Variants in LRGUK observed in about 807,000 individuals in gnomAD.
The protein encoded by LRGUK is leucine rich repeats and guanylate kinase domain containing, also known as leucine-rich repeat and guanylate kinase domain-containing protein.
A neutral mutation model predicts 76.0 loss-of-function variants in LRGUK; 65 were observed. The observed-to-expected ratio is 0.85, with a 90% CI of 0.70 to 1.05. The LOEUF is 1.05. LRGUK is among the 50% of genes least tolerant of loss of function. The pLI, the probability that LRGUK is intolerant of heterozygous loss-of-function variation, is 0.00. For synonymous variants in LRGUK, 268 were observed against 265.6 expected (o/e 1.01, Z -0.09); for missense variants, 758 against 732.8 (o/e 1.03, Z -0.40).
At chr7:134,273,976 G>T in the LRGUK span, among the ~76,000 whole-genome samples, 17 of 152,120 alleles carry the variant, frequency 1.1e-4, no homozygotes, top group Non-Finnish European at 1.9e-4. Context: ...AAATAGAGAA[G>T]TTTTTAACTC....
At chr7:134,241,328 CAT>C (rs1802145825) in intron 16 of LRGUK, among the ~76,000 whole-genome samples, 1 of 152,030 alleles carries the variant, frequency 6.6e-6, no homozygotes, top group South Asian at 2.1e-4. Context: ...CAGAGACACA[CAT>C]AGGCTCAAAA....
the LRGUK span, among the ~76,000 whole-genome samples, chr7:134,273,227 G>A: frequency 3.2e-3 from 485 of 152,266 alleles, 3 homozygotes; most frequent in African/African-American, 0.011. Context: ...ACTAGGGGAA[G>A]ACATATTGGG....
chr7:134,162,981 T>A (rs547872388), intron 6 of LRGUK, among the ~76,000 whole-genome samples: 2 of 152,246 alleles, frequency 1.3e-5, no homozygotes, highest in East Asian at 3.9e-4. Flanking sequence ...AAACAAAATG[T>A]ATGTGGGGAT....
At chr7:134,198,582 C>T (rs1800617467) in intron 13 of LRGUK, among the ~76,000 whole-genome samples, 1 of 152,158 alleles carries the variant, frequency 6.6e-6, no homozygotes, top group Non-Finnish European at 1.5e-5. Flanking sequence ...TTCATTTCAC[C>T]CGTGAGGAAA....
intron 5 of LRGUK, among the ~76,000 whole-genome samples, chr7:134,150,397 G>A (rs924789041): frequency 1.3e-5 from 2 of 151,970 alleles, no homozygotes; most frequent in African/African-American, 4.8e-5. Context: ...GGGAGGTGGA[G>A]GTTGCAGTGA....
At chr7:134,271,843 A>G in the LRGUK span, among the ~76,000 whole-genome samples, 1 of 152,020 alleles carries the variant, frequency 6.6e-6, no homozygotes, top group Non-Finnish European at 1.5e-5. Context: ...TAAAGGTTAT[A>G]TTTTCTCCGT....
rs762937905 is a variant in LRGUK, at chr7:134,178,574, C to T, written c.1179C>T (p.Val393=). Reference sequence around the variant, plus strand: ...CTCAAGACCACCTGACCCATGTTGTCAACAGCGTGATGCAGCCGCAGAGGA... The same window carrying T: ...CTCAAGACCACCTGACCCATGTTGTTAACAGCGTGATGCAGCCGCAGAGGA... The change falls in exon 10 of 16, where the codon GTC becomes GTT. Residue 393 remains valine, a synonymous_variant. Transcript: ENST00000645682. The T allele has an allele frequency of 3.7e-6, 6 of 1,613,062 alleles. No homozygotes were observed. The Admixed American group carries it at 1.0e-4, about 27-fold the overall frequency.
At chr7:134,263,483 G>A (rs998309150) in intron 19 of LRGUK, among the ~76,000 whole-genome samples, 1 of 138,732 alleles carries the variant, frequency 7.2e-6, no homozygotes, top group African/African-American at 2.5e-5. Flanking sequence ...GGCATGACAG[G>A]TGGAAGAATC....
intron 8 of LRGUK, among the ~76,000 whole-genome samples, chr7:134,176,211 C>T (rs1183173043): frequency 6.6e-6 from 1 of 152,064 alleles, no homozygotes; most frequent in Non-Finnish European, 1.5e-5. Flanking sequence ...GAACAACATA[C>T]CCTGGGGCCT....
intron 6 of LRGUK, among the ~76,000 whole-genome samples, chr7:134,163,196 C>T (rs1322696856): frequency 2.0e-5 from 3 of 152,004 alleles, no homozygotes; most frequent in African/African-American, 7.3e-5. Flanking sequence ...GAATTTTCCA[C>T]CTGGAAAACT....
At chr7:134,165,107 C>G (rs1798915980) in intron 7 of LRGUK, among the ~76,000 whole-genome samples, 1 of 152,098 alleles carries the variant, frequency 6.6e-6, no homozygotes, top group African/African-American at 2.4e-5. Flanking sequence ...AATCTCAACT[C>G]AATGCATCTC....
intron 9 of LRGUK, among the ~76,000 whole-genome samples, chr7:134,177,678 C>A (rs866754790): frequency 2.6e-5 from 4 of 152,216 alleles, no homozygotes; most frequent in Middle Eastern, 3.4e-3. Context: ...GGATTTCTTA[C>A]ACTGGATGCA....
chr7:134,141,054 G>A (rs75213848), intron 3 of LRGUK, among the ~76,000 whole-genome samples: 2,551 of 152,200 alleles, frequency 0.017, 75 homozygotes, highest in African/African-American at 0.053. Flanking sequence ...GAGTGGTGGG[G>A]GCCTTGCCAA....
intron 13 of LRGUK, among the ~76,000 whole-genome samples, chr7:134,198,584 G>T (rs1192651485): frequency 6.6e-6 from 1 of 152,204 alleles, no homozygotes. Context: ...CATTTCACCC[G>T]TGAGGAAACT....
At chr7:134,240,587 T>C (rs1170311191) in intron 16 of LRGUK, among the ~76,000 whole-genome samples, 1 of 152,190 alleles carries the variant, frequency 6.6e-6, no homozygotes, top group Non-Finnish European at 1.5e-5. Context: ...CTGGTGTACC[T>C]GAAAGTGACT....
chr7:134,178,934 A>AAAAAAAAAAAAAAAAAAAAACC (rs376955591), intron 10 of LRGUK, among the ~76,000 whole-genome samples: 12 of 78,164 alleles, frequency 1.5e-4, no homozygotes, highest in African/African-American at 3.2e-4. Flanking sequence ...CTCAAAAAAA[A>AAAAAAAAAAAAAAAAAAAAACC]AAAAAAAAAA....
At chr7:134,134,294 C>T (rs1797436547) in intron 1 of LRGUK, among the ~76,000 whole-genome samples, 1 of 152,106 alleles carries the variant, frequency 6.6e-6, no homozygotes, top group South Asian at 2.1e-4. Flanking sequence ...AGCAGTTTAG[C>T]ATGATGACTA....
chr7:134,148,744 GC>G (rs1798082198), intron 5 of LRGUK, among the ~76,000 whole-genome samples: 1 of 152,186 alleles, frequency 6.6e-6, no homozygotes, highest in Non-Finnish European at 1.5e-5. Flanking sequence ...GGCCAACATG[GC>G]GGAAACCCTG....
chr7:134,204,161 G>A (rs949277104), intron 15 of LRGUK, among the ~76,000 whole-genome samples: 1 of 152,182 alleles, frequency 6.6e-6, no homozygotes, highest in African/African-American at 2.4e-5. Context: ...GACTGGGGGG[G>A]CTTGAACAAG....
Sources: gnomAD v4.1 joint callset for allele counts (sites outside exome capture counted in the v4.1 genomes callset) on GRCh38, gnomAD v4.1.1 for gene constraint, MANE v1.5 for transcripts, NCBI Gene and HGNC (gene_info 2026-07-23, HGNC 2026-07-21) for gene names.